ASTN2: variants seen among roughly 807,000 people sequenced by gnomAD.
ASTN2 encodes the protein astrotactin-2.
A neutral mutation model predicts 139.8 loss-of-function variants in ASTN2; 54 were observed. That is an observed-to-expected ratio of 0.39 (90% CI 0.31 to 0.48). The LOEUF (loss-of-function observed/expected upper bound fraction) is 0.48, where lower values mean the gene tolerates loss of function less well. Ranked by LOEUF, ASTN2 falls within the 20% of genes least tolerant of loss-of-function variation. ASTN2 has a pLI of 0.95. For missense variants in ASTN2, 1,565 were observed against 1,725.1 expected (o/e 0.91, Z 1.64); for synonymous variants, 756 against 719.5 (o/e 1.05, Z -0.81).
intron 5 of ASTN2, 124 bp downstream of exon 5, chr9:117,095,918 GCT>G: frequency 2.5e-6 from 2 of 786,564 alleles, no homozygotes; most frequent in Non-Finnish European, 4.2e-6. Context: ...CAGATACTAA[GCT>G]CAGTTTTAAC....
chr9:117,063,121 A>C (rs926745575), intron 5 of ASTN2, among the ~76,000 whole-genome samples: 1 of 152,238 alleles, frequency 6.6e-6, no homozygotes, highest in African/African-American at 2.4e-5. Flanking sequence ...GATTTTCATT[A>C]TATACTTACT....
At chr9:116,925,518 T>A (rs1834728499) in intron 10 of ASTN2, among the ~76,000 whole-genome samples, 1 of 152,200 alleles carries the variant, frequency 6.6e-6, no homozygotes, top group Non-Finnish European at 1.5e-5. Context: ...TGCAGATGTA[T>A]GTGTGTACAC....
At chr9:116,669,534 T>C (rs1283858776) in intron 16 of ASTN2, among the ~76,000 whole-genome samples, 2 of 152,232 alleles carry the variant, frequency 1.3e-5, no homozygotes, top group Non-Finnish European at 2.9e-5. Flanking sequence ...ATTTGCAGCA[T>C]CTTTTCATAT....
At position 116,587,345 on chromosome 9, in the gene ASTN2, T is replaced by TAAA. The variant is rs376336813; in HGVS notation, c.3355+30978_3355+30979insTTT. On this transcript the variant is annotated intron_variant, in intron 19 of 22. Coordinates refer to ENST00000313400, the MANE Select transcript of ASTN2 (RefSeq NM_001365068.1). Reference sequence around the variant, plus strand: ...GACAGAGCAAGACCCCATCTCAAATTTAAAAAAAAAAAAAAAAAAAAGCAC... The same window carrying TAAA: ...GACAGAGCAAGACCCCATCTCAAATTAAATAAAAAAAAAAAAAAAAAAAAGCAC... Among the ~76,000 whole-genome samples, 6 of 83,294 alleles carry TAAA rather than the reference T, an allele frequency of 7.2e-5. 1 individual carries two copies. The highest frequency in any genetic ancestry group is 1.1e-4 in the Admixed American group (1 of 9,064). The allele number at this position is 83,294 out of a possible 152,430, so 54.6% of individuals were successfully genotyped here.
At chr9:117,221,398 G>C (rs1054795675) in intron 2 of ASTN2, among the ~76,000 whole-genome samples, 20 of 152,146 alleles carry the variant, frequency 1.3e-4, no homozygotes, top group Non-Finnish European at 4.4e-5. Flanking sequence ...GAAGGAAGCA[G>C]AGAAAGGAAA....
At position 117,414,683 on chromosome 9, in the gene ASTN2, C is replaced by T. The variant is rs948424647; in HGVS notation, c.256G>A (p.Ala86Thr). 1 of 1,249,878 alleles carries T rather than the reference C, an allele frequency of 8.0e-7. No homozygotes were observed. The highest frequency in any genetic ancestry group is 2.9e-5 in the South Asian group (1 of 34,334). The allele number at this position is 1,249,878 out of a possible 1,614,324, so 77.4% of individuals were successfully genotyped here. ...LRESDIGWSGARAGAGAGTGA... is the reference protein window; with the variant it reads ...LRESDIGWSGTRAGAGAGTGA... ...GTCCCAGCCCCGGCCCCGGCGCGGG[C>T]GCCGCTCCAGCCGATGTCGCTCTCC... Residue 86 changes from alanine (A) to threonine (T), a missense_variant, in exon 1 of 23, where the codon GCC becomes ACC. Physicochemically the swap from Ala to Thr is moderately conservative, Grantham distance 58. Around this residue, in one of 4 missense-constraint regions of ASTN2, gnomAD observed 596 missense variants for 576.8 expected, o/e 1.03. Transcript: ENST00000313400. This position sits in a 1 kb window ranked among gnomAD's most constrained non-coding sequence, Gnocchi z 4.2.
chr9:116,835,969 A>AT (rs1426928656), intron 11 of ASTN2, among the ~76,000 whole-genome samples: 1 of 151,760 alleles, frequency 6.6e-6, no homozygotes, highest in Admixed American at 6.6e-5. Context: ...CAAACCTTCT[A>AT]TTTTCTCTGG....
chr9:116,804,803 T>C (rs967963645), intron 13 of ASTN2, among the ~76,000 whole-genome samples: 1 of 152,082 alleles, frequency 6.6e-6, no homozygotes, highest in East Asian at 1.9e-4. Context: ...ATCTTTTTTT[T>C]TATGCAAACA....
chr9:117,169,889 A>G (rs1830751938), intron 3 of ASTN2, among the ~76,000 whole-genome samples: 1 of 152,176 alleles, frequency 6.6e-6, no homozygotes, highest in African/African-American at 2.4e-5. Context: ...CTCTGAACAA[A>G]GTGCTTTGGG....
chr9:117,325,492 C>A (rs1828484474), intron 1 of ASTN2, among the ~76,000 whole-genome samples: 1 of 152,114 alleles, frequency 6.6e-6, no homozygotes, highest in African/African-American at 2.4e-5. Context: ...GACACCTGGG[C>A]TTGAAACCCC....
At chr9:116,509,785 C>T (rs1443525718) in intron 19 of ASTN2, among the ~76,000 whole-genome samples, 1 of 152,146 alleles carries the variant, frequency 6.6e-6, no homozygotes, top group Non-Finnish European at 1.5e-5. Flanking sequence ...TTGCACGTGT[C>T]TGTAGGCTGC....
At chr9:116,734,229 GTGCCTCTAACCCTTTCC>G (rs1828862357) in intron 13 of ASTN2, among the ~76,000 whole-genome samples, 2 of 152,032 alleles carry the variant, frequency 1.3e-5, no homozygotes, top group South Asian at 4.2e-4. Context: ...ACTTCTTTAG[GTGCCTCTAACCCTTTCC>G]TGCAGGCCAG....
intron 12 of ASTN2, among the ~76,000 whole-genome samples, chr9:116,818,738 C>A (rs994830943): frequency 6.6e-6 from 1 of 152,190 alleles, no homozygotes; most frequent in African/African-American, 2.4e-5. Context: ...AAGCATTTCA[C>A]AAATATTAAT....
intron 16 of ASTN2, among the ~76,000 whole-genome samples, chr9:116,656,354 A>T (rs1362450842): frequency 6.6e-6 from 1 of 152,220 alleles, no homozygotes; most frequent in African/African-American, 2.4e-5. Flanking sequence ...TGCTCTAATC[A>T]AAAGGTCAAC....
chr9:117,293,604 C>T (rs536628009), intron 1 of ASTN2, among the ~76,000 whole-genome samples: 3 of 152,150 alleles, frequency 2.0e-5, no homozygotes, highest in African/African-American at 7.2e-5. Flanking sequence ...ATTGGGTGAT[C>T]AATTTGAGTG....
At chr9:116,664,504 T>C (rs1179769717) in intron 16 of ASTN2, among the ~76,000 whole-genome samples, 1 of 150,732 alleles carries the variant, frequency 6.6e-6, no homozygotes, top group Non-Finnish European at 1.5e-5. Context: ...CCTAACACAA[T>C]AGTTATCTAC....
chr9:117,095,090 A>T (rs895731213), intron 5 of ASTN2, among the ~76,000 whole-genome samples: 2 of 152,172 alleles, frequency 1.3e-5, no homozygotes, highest in African/African-American at 4.8e-5. Context: ...GAGAAGGACC[A>T]GTTTCCCTGC....
intron 5 of ASTN2, among the ~76,000 whole-genome samples, chr9:117,046,103 C>A (rs1375919116): frequency 1.3e-5 from 2 of 152,034 alleles, no homozygotes; most frequent in Non-Finnish European, 2.9e-5. Flanking sequence ...CAGGTTCAAG[C>A]AATTCTCCTG....
intron 20 of ASTN2, among the ~76,000 whole-genome samples, chr9:116,461,512 G>T (rs1311603178): frequency 6.6e-6 from 1 of 151,952 alleles, no homozygotes; most frequent in African/African-American, 2.4e-5. Context: ...CTAGATTGTG[G>T]TCTCTCCTAC....
Sources: allele counts gnomAD v4.1 joint callset (sites outside exome capture counted in the v4.1 genomes callset), GRCh38; gene constraint gnomAD v4.1.1; regional missense constraint gnomAD v4.1.1; non-coding constraint Gnocchi (gnomAD v3.1); transcripts MANE v1.5; gene names NCBI Gene and HGNC (gene_info 2026-07-23, HGNC 2026-07-21).